FAM228B: variants seen among roughly 807,000 people sequenced by gnomAD.
FAM228B encodes the protein protein FAM228B.
FAM228B carries 38 observed loss-of-function variants against 42.6 expected under a neutral mutation model. That is an observed-to-expected ratio of 0.89 (90% CI 0.69 to 1.17). The LOEUF is 1.17. FAM228B is among the 50% of genes most tolerant of loss of function. The pLI is 0.00. For synonymous variants in FAM228B, 109 were observed against 122.3 expected, an observed-to-expected ratio of 0.89 and a Z score of 0.72; for missense variants, 344 against 367.3, an observed-to-expected ratio of 0.94 and a Z score of 0.52.
At chr2:24,141,348 A>G (rs1336499392) in intron 5 of FAM228B, among the ~76,000 whole-genome samples, 1 of 152,202 alleles carries the variant, frequency 6.6e-6, no homozygotes, top group Non-Finnish European at 1.5e-5. Context: ...GGTTCACACC[A>G]TTCTCCTGCT....
chr2:24,155,504 C>CTTATATATATATAT (rs1216710906), intron 7 of FAM228B, among the ~76,000 whole-genome samples: 8 of 35,908 alleles, frequency 2.2e-4, no homozygotes, highest in East Asian at 1.4e-3. Flanking sequence ...GAAGACCATG[C>CTTATATATATATAT]ATATATATAT....
At chr2:24,085,024 C>G (rs1010023388) in intron 2 of FAM228B, 1 of 152,216 alleles carries the variant, frequency 6.6e-6, no homozygotes, top group Non-Finnish European at 1.5e-5. Flanking sequence ...AAGTGCGATT[C>G]TAGCTCTCAC....
chr2:24,148,558 G>T (rs963266351), intron 7 of FAM228B, among the ~76,000 whole-genome samples: 7 of 152,012 alleles, frequency 4.6e-5, no homozygotes, highest in Non-Finnish European at 8.8e-5. Flanking sequence ...TAGGAGTCTT[G>T]ATACCTTTTT....
At chr2:24,164,681 T>C (rs917388283) in intron 9 of FAM228B, among the ~76,000 whole-genome samples, 2 of 152,244 alleles carry the variant, frequency 1.3e-5, no homozygotes, top group African/African-American at 4.8e-5. Flanking sequence ...CCACCCTGTC[T>C]CTACCATTTA....
intron 2 of FAM228B, among the ~76,000 whole-genome samples, chr2:24,082,533 T>A (rs909130595): frequency 3.3e-5 from 5 of 152,224 alleles, no homozygotes; most frequent in Admixed American, 1.3e-4. Flanking sequence ...TTATGTGAGT[T>A]CTTGACTGGC....
At chr2:24,145,332 C>A (rs1374271578) in intron 5 of FAM228B, among the ~76,000 whole-genome samples, 1 of 152,190 alleles carries the variant, frequency 6.6e-6, no homozygotes, top group Non-Finnish European at 1.5e-5. Context: ...AACAACTGTA[C>A]CCTAAGCCAC....
chr2:24,121,598 C>T (rs1023516931), upstream of FAM228B, among the ~76,000 whole-genome samples: 1 of 152,120 alleles, frequency 6.6e-6, no homozygotes, highest in Admixed American at 6.6e-5. Context: ...AGAGACTCTA[C>T]GGCCCTGTGC....
intron 2 of FAM228B, among the ~76,000 whole-genome samples, chr2:24,127,358 G>C: frequency 6.6e-6 from 1 of 152,078 alleles, no homozygotes; most frequent in East Asian, 1.9e-4. Flanking sequence ...ATGGACTTTT[G>C]GGTTGTTTCT....
intron 4 of FAM228B, 127 bp from the exon 5 acceptor site, chr2:24,139,243 G>T: frequency 2.3e-6 from 1 of 443,668 alleles, no homozygotes; most frequent in Non-Finnish European, 4.0e-6. Flanking sequence ...CTTTCTTTTT[G>T]CATTTGTCAC....
At chr2:24,090,562 C>CAAAA (rs58611623) in intron 2 of FAM228B, among the ~76,000 whole-genome samples, 12 of 81,626 alleles carry the variant, frequency 1.5e-4, no homozygotes, top group African/African-American at 5.7e-4. Context: ...CCTCCCATCT[C>CAAAA]AAAAAAAAAA....
chr2:24,152,562 A>G (rs748222570), intron 7 of FAM228B, among the ~76,000 whole-genome samples: 40 of 152,208 alleles, frequency 2.6e-4, no homozygotes, highest in Non-Finnish European at 5.4e-4. Context: ...CTTTGATAAG[A>G]TCCAGAAGAG....
intron 9 of FAM228B, among the ~76,000 whole-genome samples, chr2:24,164,585 TGGTGGAGCCACACGATGAGGGTGCC>T (rs1448165591): frequency 6.7e-6 from 1 of 150,164 alleles, no homozygotes; most frequent in Non-Finnish European, 1.5e-5. Context: ...GGGTGCCCCC[TGGTGGAGCCACACGATGAGGGTGCC>T]CCCTGGTGGG....
intron 2 of FAM228B, among the ~76,000 whole-genome samples, chr2:24,093,346 G>A (rs996300329): frequency 2.0e-5 from 3 of 147,156 alleles, no homozygotes; most frequent in East Asian, 2.1e-4. Flanking sequence ...GTCCCCCTCC[G>A]TGTGTCCACG....
upstream of FAM228B, among the ~76,000 whole-genome samples, chr2:24,119,221 G>A (rs1264491274): frequency 6.6e-6 from 1 of 152,018 alleles, no homozygotes; most frequent in Non-Finnish European, 1.5e-5. Context: ...CTGATACAGG[G>A]GTAAACCATA....
intron 3 of FAM228B, among the ~76,000 whole-genome samples, chr2:24,115,965 G>A (rs1665904728): frequency 6.6e-6 from 1 of 150,806 alleles, no homozygotes; most frequent in African/African-American, 2.4e-5. Context: ...GGAACAGGGT[G>A]AGAGAGGGCT....
chr2:24,146,562 T>C (rs1437941451), intron 5 of FAM228B, among the ~76,000 whole-genome samples, 186 bp from the exon 6 acceptor site: 1 of 152,162 alleles, frequency 6.6e-6, no homozygotes, highest in Non-Finnish European at 1.5e-5. Flanking sequence ...TTAAGAGAGG[T>C]ATTGATATAC....
Position 24,165,304 on chromosome 2 carries a change from GGCCCTATCCTTACA to G in FAM228B, c.932+971_932+984del, listed in dbSNP as rs144891882. The G allele has an allele frequency of 8.0e-3, 3,758 of 468,780 alleles. 121 individuals are homozygous for G. The highest frequency in any genetic ancestry group is 0.069 in the African/African-American group (3,448 of 50,142). 29.0% of individuals were successfully genotyped at this position (468,780 alleles called of 1,614,324 possible). The stretch of plus-strand genomic sequence containing the variant: ...CAACTCAAGGCCAAGGAGCAACCCT[GGCCCTATCCTTACA>G]GAGAGGCCCTACACAGTATTCTGGG... On this transcript the variant is annotated intron_variant, in intron 9 of 10. Transcript: ENST00000615575.
At position 24,161,538 on chromosome 2, in the gene FAM228B, G is replaced by A. The variant is rs1240211975; in HGVS notation, c.719G>A (p.Ser240Asn). 11 of 1,546,936 alleles carry A rather than the reference G, an allele frequency of 7.1e-6. No individual in the cohort carries two copies. The Admixed American group carries it at 1.6e-4, about 22-fold the overall frequency. The change falls in exon 8 of 11, where the codon AGT becomes AAT. Residue 240 changes from serine to asparagine, a missense_variant. Physicochemically the swap from Ser to Asn is conservative, Grantham distance 46. Coordinates refer to ENST00000615575, the MANE Select transcript of FAM228B (RefSeq NM_001145710.2). Reference sequence around the variant, plus strand: ...GTGAAAGTGAATTTTAATGACTGTAGTTTTGATTTGAAACCTTTGGCAAGA... The same window carrying A: ...GTGAAAGTGAATTTTAATGACTGTAATTTTGATTTGAAACCTTTGGCAAGA... ...LKVKVNFNDC[S>N]FDLKPLARAP...
chr2:24,102,925 G>A (rs918262591), intron 3 of FAM228B, among the ~76,000 whole-genome samples: 3 of 152,094 alleles, frequency 2.0e-5, no homozygotes, highest in African/African-American at 7.2e-5. Context: ...CAATAATCAT[G>A]TTAATATGTG....
Sources: gnomAD v4.1 joint callset for allele counts (sites outside exome capture counted in the v4.1 genomes callset) on GRCh38, gnomAD v4.1.1 for gene constraint, MANE v1.5 for transcripts, NCBI Gene and HGNC (gene_info 2026-07-23, HGNC 2026-07-21) for gene names.